BLNK: variants seen among roughly 807,000 people sequenced by gnomAD.
The protein encoded by BLNK is B-cell linker protein.
Under a neutral mutation model 73.5 loss-of-function variants are expected in BLNK, and 29 were observed. The observed-to-expected ratio is 0.39, with a 90% CI of 0.29 to 0.54. BLNK has a LOEUF of 0.54. Ranked by LOEUF, BLNK falls within the 20% of genes least tolerant of loss-of-function variation. The probability of loss-of-function intolerance (pLI) is 0.61; values close to 1 mark genes in which losing one functional copy is unlikely to be tolerated. For missense variants in BLNK, 460 were observed against 562.8 expected (o/e 0.82, Z 1.85); for synonymous variants, 176 against 200.8 (o/e 0.88, Z 1.04).
Position 96,194,943 on chromosome 10 carries a change from G to T in BLNK, c.1251+1965C>A, listed in dbSNP as rs587775700. 5.9e-5 allele frequency among the ~76,000 whole-genome samples: 9 copies of T among 151,268 alleles called. 1 individual carries two copies. The South Asian group carries it at 1.9e-3, about 32-fold the overall frequency. ...GCGCCACCATGCCCGGCTAATTTTT[G>T]TATTTTTAGTAGAGACGGGGTTTCA... On this transcript the variant is annotated intron_variant, in intron 16 of 16. Transcript: ENST00000224337.
At chr10:96,216,927 T>G (rs1337757756) in intron 6 of BLNK, among the ~76,000 whole-genome samples, 193 bp from the exon 7 acceptor site, 4 of 152,194 alleles carry the variant, frequency 2.6e-5, no homozygotes, top group African/African-American at 9.7e-5. Context: ...AATCTAATTT[T>G]AGGACATTTT....
At chr10:96,240,252 C>T (rs2134072889) in intron 3 of BLNK, among the ~76,000 whole-genome samples, 1 of 152,306 alleles carries the variant, frequency 6.6e-6, no homozygotes, top group South Asian at 2.1e-4. Flanking sequence ...AGCACAGTGA[C>T]AGTCACACAG....
Position 96,230,817 on chromosome 10 carries a change from C to T in BLNK, c.181G>A (p.Glu61Lys), listed in dbSNP as rs782665961. Residue 61 changes from glutamate to lysine, a missense_variant, in exon 4 of 17, where the codon GAG (glutamate) becomes AAG (lysine). This residue lies in a region of BLNK where 139 missense variants were observed against 187.3 expected (regional missense o/e 0.74). Transcript: ENST00000224337. The stretch of plus-strand genomic sequence containing the variant: ...ACAAAGTCATCGGACCACTGCTCCT[C>T]TTCGTCAGCAGGGCTCTCTGCAACA... ...DYASESPADE[E>K]EQWSDDFDSD... The T allele has an allele frequency of 1.2e-6, 2 of 1,611,418 alleles. No homozygotes were observed. Among genetic ancestry groups the T allele is most frequent in the Non-Finnish European group, 1.7e-6 (2 of 1,179,064 alleles).
chr10:96,208,503 T>C (rs2083874746), intron 9 of BLNK, among the ~76,000 whole-genome samples: 3 of 152,190 alleles, frequency 2.0e-5, no homozygotes, highest in Non-Finnish European at 4.4e-5. Flanking sequence ...GGTACTTGCC[T>C]GCACTAACAT....
chr10:96,201,738 G>A (rs11594862), intron 13 of BLNK, among the ~76,000 whole-genome samples: 83 of 138,706 alleles, frequency 6.0e-4, no homozygotes, highest in African/African-American at 1.3e-3. Flanking sequence ...AGACTTATCT[G>A]CATTCATTCA....
At chr10:96,242,155 TC>T (rs1448721300) in intron 3 of BLNK, among the ~76,000 whole-genome samples, 7 of 152,138 alleles carry the variant, frequency 4.6e-5, no homozygotes, top group Admixed American at 2.6e-4. Flanking sequence ...GAGTGCAGTT[TC>T]CCCCGTACCG....
Position 96,263,235 on chromosome 10 carries a change from G to A in BLNK, c.47+8117C>T, listed in dbSNP as rs115334376. 6.7e-3 allele frequency among the ~76,000 whole-genome samples: 1,019 copies of A among 152,346 alleles called. 13 individuals carry two copies. The highest frequency in any genetic ancestry group is 0.023 in the African/African-American group (965 of 41,586). On this transcript the variant is annotated intron_variant, in intron 1 of 16. Transcript: ENST00000224337. ...GCATTAAACCAGGCACAAGCTCCGA[G>A]CACAGGACCCTGTGCGACTGTATGG...
At chr10:96,196,833 G>T in intron 16 of BLNK, 75 bp downstream of exon 16, 1 of 1,388,306 alleles carries the variant, frequency 7.2e-7, no homozygotes, top group South Asian at 1.2e-5. Context: ...CTCATCTCTA[G>T]CATCTAATAC....
chr10:96,203,711 A>G, intron 13 of BLNK: 1 of 183,062 alleles, frequency 5.5e-6, no homozygotes, highest in Non-Finnish European at 1.1e-5. Context: ...AGAACCAAAC[A>G]CTATAGCTGG....
At chr10:96,250,907 A>G (rs879984423) in intron 1 of BLNK, among the ~76,000 whole-genome samples, 1 of 152,246 alleles carries the variant, frequency 6.6e-6, no homozygotes, top group Non-Finnish European at 1.5e-5. Context: ...GATGCATAAT[A>G]GCAGTAGATA....
intron 1 of BLNK, among the ~76,000 whole-genome samples, chr10:96,267,585 C>G (rs1269908268): frequency 6.6e-6 from 1 of 152,202 alleles, no homozygotes; most frequent in African/African-American, 2.4e-5. Context: ...TAGAAAAGGT[C>G]TCAGTGAGAC....
At chr10:96,223,778 C>G (rs782330202) in intron 6 of BLNK, 48 bp downstream of exon 6, 9 of 1,609,296 alleles carry the variant, frequency 5.6e-6, no homozygotes, top group Non-Finnish European at 7.6e-6. Context: ...GTCGCTTGCC[C>G]CACCCCCCTC....
At chr10:96,269,818 C>G (rs782636955) in intron 1 of BLNK, among the ~76,000 whole-genome samples, 14 of 152,162 alleles carry the variant, frequency 9.2e-5, no homozygotes, top group Admixed American at 2.0e-4. Context: ...GGACAGAAAA[C>G]TCTCCTCACT....
intron 3 of BLNK, among the ~76,000 whole-genome samples, chr10:96,233,362 T>G (rs1283962039): frequency 6.6e-6 from 1 of 152,174 alleles, no homozygotes; most frequent in African/African-American, 2.4e-5. Context: ...CTCCAATCCA[T>G]CCATCCTACC....
intron 1 of BLNK, among the ~76,000 whole-genome samples, chr10:96,248,500 G>T (rs555729442): frequency 1.3e-5 from 2 of 152,338 alleles, no homozygotes; most frequent in South Asian, 2.1e-4. Context: ...AATATCCAGT[G>T]TTGAGAAAGT....
At chr10:96,218,328 C>G (rs1554900299) in intron 6 of BLNK, among the ~76,000 whole-genome samples, 2 of 152,150 alleles carry the variant, frequency 1.3e-5, no homozygotes, top group Non-Finnish European at 2.9e-5. Flanking sequence ...TCACCATTGG[C>G]TCCATTTCCA....
intron 1 of BLNK, among the ~76,000 whole-genome samples, chr10:96,259,578 A>G (rs1246961243): frequency 1.3e-5 from 2 of 151,500 alleles, no homozygotes; most frequent in African/African-American, 4.9e-5. Context: ...TCCCTTACAC[A>G]CAAGCATCTT....
chr10:96,201,614 T>G (rs1171441181), intron 13 of BLNK, among the ~76,000 whole-genome samples: 2 of 152,234 alleles, frequency 1.3e-5, no homozygotes, highest in Non-Finnish European at 2.9e-5. Context: ...CTACAATTAT[T>G]TTAAGAGTGT....
chr10:96,271,255 C>G, intron 1 of BLNK, 97 bp downstream of exon 1: 1 of 1,423,888 alleles, frequency 7.0e-7, no homozygotes, highest in Non-Finnish European at 9.9e-7. Flanking sequence ...TGGAAACTAG[C>G]AAAGCATTCC....
Sources: allele counts gnomAD v4.1 joint callset (sites outside exome capture counted in the v4.1 genomes callset), GRCh38; gene constraint gnomAD v4.1.1; regional missense constraint gnomAD v4.1.1; transcripts MANE v1.5; gene names NCBI Gene and HGNC (gene_info 2026-07-23, HGNC 2026-07-21).